The following F8 variants were observed in gnomAD, a reference collection of about 807,000 sequenced individuals.
F8 encodes the protein antihemophilic factor.
F8 carries 12 observed loss-of-function variants against 140.6 expected under a neutral mutation model. The observed-to-expected ratio is 0.09, with a 90% CI of 0.05 to 0.14. F8 has a LOEUF of 0.14. Among genes scored for constraint, F8 ranks in the 10% least tolerant of loss-of-function variants. The probability of loss-of-function intolerance (pLI) is 1.00; values close to 1 mark genes in which losing one functional copy is unlikely to be tolerated. For synonymous variants in F8, 585 were observed against 614.6 expected (o/e 0.95, Z 0.71); for missense variants, 1,354 against 1,720.7 (o/e 0.79, Z 3.77).
At chrX:154,890,558 TAATAG>T (rs1194152294) in intron 22 of F8, among the ~76,000 whole-genome samples, 1 of 111,818 alleles carries the variant, frequency 8.9e-6, no homozygotes, top group Admixed American at 9.5e-5. Context: ...TTTGAAAAAT[TAATAG>T]AATAGACAAA....
intron 22 of F8, among the ~76,000 whole-genome samples, chrX:154,878,970 T>C (rs1220932876): frequency 8.9e-6 from 1 of 112,275 alleles, no homozygotes; most frequent in African/African-American, 3.2e-5. Flanking sequence ...CTACAAAACA[T>C]TGCTGAAAGA....
At chrX:154,916,801 GATTATT>G (rs1327633581) in intron 14 of F8, among the ~76,000 whole-genome samples, 1 of 109,408 alleles carries the variant, frequency 9.1e-6, no homozygotes, top group African/African-American at 3.3e-5. Context: ...TTATTTCTAT[GATTATT>G]ATTATTATTT....
intron 1 of F8, among the ~76,000 whole-genome samples, chrX:155,018,949 C>T (rs1266162209): frequency 8.9e-6 from 1 of 112,081 alleles, no homozygotes; most frequent in Non-Finnish European, 1.9e-5. Context: ...GCCAACAAAA[C>T]TTTGTTTATT....
chrX:154,846,501 C>T (rs1240538410), intron 25 of F8, among the ~76,000 whole-genome samples: 5 of 112,110 alleles, frequency 4.5e-5, no homozygotes, highest in Non-Finnish European at 9.4e-5. Context: ...GGATAGTTAG[C>T]TCTTCTTGTT....
At chrX:154,920,316 G>A (rs782769359) in intron 14 of F8, 1 of 109,036 alleles carries the variant, frequency 9.2e-6, no homozygotes, top group South Asian at 3.9e-4. Context: ...TTTTTAAAAT[G>A]TTTTGTGTAT....
At chrX:154,907,328 T>C (rs1369867663) in intron 14 of F8, among the ~76,000 whole-genome samples, 1 of 112,340 alleles carries the variant, frequency 8.9e-6, no homozygotes, top group Non-Finnish European at 1.9e-5. Flanking sequence ...ATTCCCATTG[T>C]TGTATAGTAT....
chrX:154,901,901 G>A (rs1340671373), intron 19 of F8, 150 bp downstream of exon 19: 3 of 534,665 alleles, frequency 5.6e-6, no homozygotes, highest in South Asian at 5.1e-5. Context: ...TGAGAACTCT[G>A]ATGATTTCTA....
chrX:154,844,416 C>G (rs2072546988), intron 25 of F8, among the ~76,000 whole-genome samples: 1 of 111,775 alleles, frequency 8.9e-6, no homozygotes, highest in African/African-American at 3.3e-5. Context: ...ATTCTTCCTA[C>G]CCATGAGCAT....
chrX:154,984,910 T>G (rs2073550926), intron 5 of F8, 107 bp from the exon 6 acceptor site: 1 of 615,003 alleles, frequency 1.6e-6, no homozygotes, highest in Admixed American at 2.2e-5. Context: ...CTTAAGCATT[T>G]TTGTCAGCAA....
At chrX:154,914,690 T>A (rs1557276967) in intron 14 of F8, among the ~76,000 whole-genome samples, 2 of 112,223 alleles carry the variant, frequency 1.8e-5, no homozygotes, top group African/African-American at 6.5e-5. Flanking sequence ...CATATCACTA[T>A]CAGCATTTTG....
At chrX:154,942,620 C>G (rs1173845692) in intron 13 of F8, among the ~76,000 whole-genome samples, 3 of 111,634 alleles carry the variant, frequency 2.7e-5, no homozygotes. Context: ...CCTTCTGAAA[C>G]TATTCCAATC....
intron 14 of F8, among the ~76,000 whole-genome samples, chrX:154,918,143 G>A (rs1732558545): frequency 9.0e-6 from 1 of 111,601 alleles, no homozygotes; most frequent in Non-Finnish European, 1.9e-5. Context: ...ACTAGATGGT[G>A]CTGTAAGCCC....
At chrX:154,843,702 A>G (rs1557271490) in intron 25 of F8, among the ~76,000 whole-genome samples, 1 of 112,050 alleles carries the variant, frequency 8.9e-6, no homozygotes, top group African/African-American at 3.2e-5. Flanking sequence ...CCTTTGTCAG[A>G]TGAATAGATT....
chrX:154,896,412 TAC>T (rs1198682860), intron 21 of F8, among the ~76,000 whole-genome samples, 180 bp from the exon 22 acceptor site: 3 of 110,332 alleles, frequency 2.7e-5, no homozygotes, highest in African/African-American at 9.9e-5. Flanking sequence ...AGCTGTGGGA[TAC>T]ACAGTAGAAA....
intron 22 of F8, 109 bp downstream of exon 22, chrX:154,895,968 A>AT (rs2072976680): frequency 1.2e-6 from 1 of 805,602 alleles, no homozygotes; most frequent in Non-Finnish European, 1.9e-6. Flanking sequence ...GTGAAAAATT[A>AT]TTTTTTGGAA....
intron 14 of F8, among the ~76,000 whole-genome samples, chrX:154,911,979 G>A (rs182941023): frequency 2.7e-5 from 3 of 112,148 alleles, no homozygotes; most frequent in African/African-American, 9.7e-5. Context: ...TCATATACCT[G>A]TTGGCCATTT....
chrX:154,940,832 C>T (rs180703190), intron 13 of F8, among the ~76,000 whole-genome samples: 2,473 of 112,217 alleles, frequency 0.022, 21 homozygotes, highest in Middle Eastern at 0.041. Flanking sequence ...AGAAACTCTA[C>T]AAGCCAGAAG....
chrX:155,022,422 G>A lies in F8; in HGVS notation c.131C>T (p.Pro44Leu), dbSNP rs2073764449. The A allele has an allele frequency of 1.7e-6, 2 of 1,209,882 alleles. No individual in the cohort carries two copies. Among genetic ancestry groups the A allele is most frequent in the Non-Finnish European group, 1.1e-6 (1 of 895,070 alleles). The change falls in exon 1 of 26, where the codon CCT becomes CTT. Residue 44 changes from proline (P) to leucine (L), a missense_variant. By Grantham distance (98) the Pro-to-Leu change is moderately conservative (BLOSUM62 -3). Transcript: ENST00000360256. ...DYMQSDLGEL[P>L]VDARFPPRVP... ...GACATGCCTTTACCTTGCGTCCACA[G>A]GCAGCTCACCGAGATCACTTTGCAT...
intron 22 of F8, among the ~76,000 whole-genome samples, chrX:154,888,448 G>A (rs1199394788): frequency 4.2e-5 from 3 of 71,247 alleles, no homozygotes; most frequent in Admixed American, 2.1e-4. Flanking sequence ...AGGCAGGAGC[G>A]CAGTGGCGTG....
Sources: gnomAD v4.1 joint callset for allele counts (sites outside exome capture counted in the v4.1 genomes callset) on GRCh38, gnomAD v4.1.1 for gene constraint, MANE v1.5 for transcripts, NCBI Gene and HGNC (gene_info 2026-07-23, HGNC 2026-07-21) for gene names.